The following RPRD2 variants were observed in gnomAD, a reference collection of about 807,000 sequenced individuals.
RPRD2 encodes regulation of nuclear pre-mRNA domain-containing protein 2.
In RPRD2, 12 loss-of-function variants were observed where a neutral mutation model predicts 104.4. The observed-to-expected ratio is 0.11, with a 90% CI of 0.07 to 0.19. RPRD2 has a LOEUF of 0.19. Ranked by LOEUF, RPRD2 falls within the 10% of genes least tolerant of loss-of-function variation. RPRD2 has a pLI of 1.00. For missense variants in RPRD2, 1,543 were observed against 1,790.1 expected (o/e 0.86, Z 2.49); for synonymous variants, 714 against 684.9 (o/e 1.04, Z -0.66).
intron 1 of RPRD2, among the ~76,000 whole-genome samples, chr1:150,412,807 ATT>A (rs1211667653): frequency 1.3e-5 from 2 of 152,158 alleles, no homozygotes; most frequent in South Asian, 4.1e-4. Flanking sequence ...ACGGGGATTG[ATT>A]TATGTCCCAT....
In RPRD2 at chr1:150,364,289, A is replaced by T. The variant is rs1553876689; in HGVS notation, c.-426A>T. Among the ~76,000 whole-genome samples, 1 of 152,164 alleles carries T rather than the reference A, an allele frequency of 6.6e-6. No homozygotes were observed. The highest frequency in any genetic ancestry group is 1.5e-5 in the Non-Finnish European group (1 of 68,030). On this transcript the variant is annotated 5_prime_UTR_variant, in exon 1 of 11. Transcript: ENST00000369068. ...AGTCGGGTAGTATTACATTTAAGAT[A>T]TTAACGCCCGACCTGGCTCACAGGA...
At chr1:150,430,353 C>A (rs999668694) in intron 2 of RPRD2, among the ~76,000 whole-genome samples, 15 of 152,084 alleles carry the variant, frequency 9.9e-5, no homozygotes, top group African/African-American at 3.6e-4. Context: ...CAGAATGCAA[C>A]AGGAGAAATA....
intron 2 of RPRD2, among the ~76,000 whole-genome samples, chr1:150,435,386 T>C (rs1553892897): frequency 1.3e-5 from 2 of 152,144 alleles, no homozygotes; most frequent in Non-Finnish European, 2.9e-5. Flanking sequence ...AGATTAAGCT[T>C]AGTGAGTAAG....
At chr1:150,440,689 GCTT>G (rs1666357750) in intron 2 of RPRD2, among the ~76,000 whole-genome samples, 1 of 152,092 alleles carries the variant, frequency 6.6e-6, no homozygotes, top group African/African-American at 2.4e-5. Context: ...GTCATCTGTA[GCTT>G]CATCTATGTC....
chr1:150,471,185 G>A lies in RPRD2; in HGVS notation c.2237G>A (p.Ser746Asn), dbSNP rs1475821117. 1.2e-6 allele frequency: 2 copies of A among 1,613,948 alleles called. No individual in the cohort carries two copies. Among genetic ancestry groups the A allele is most frequent in the Non-Finnish European group, 1.7e-6 (2 of 1,179,896 alleles). Reference protein sequence around the residue: ...DEMMDKPTSSSVDTMSLLSKI... With the variant: ...DEMMDKPTSSNVDTMSLLSKI... ...ATGATGGACAAGCCCACATCCAGCA[G>A]TGTAGATACTATGTCCCTGCTTTCT... The change falls in exon 11 of 11, where the codon AGT becomes AAT. Residue 746 changes from serine (S) to asparagine (N), a missense_variant. Transcript: ENST00000369068. This position sits in a 1 kb window ranked among gnomAD's most constrained non-coding sequence, Gnocchi z 5.3.
rs182900132 is a variant in RPRD2 at position 150,474,564 on chromosome 1, C to A, written c.*1230C>A. 6.6e-6 allele frequency: 1 copy of A among 152,290 alleles called. No individual in the cohort carries two copies. The highest frequency in any genetic ancestry group is 1.9e-4 in the East Asian group (1 of 5,188). The allele number at this position is 152,290 out of a possible 1,614,324, so 9.4% of individuals were successfully genotyped here. On this transcript the variant is annotated 3_prime_UTR_variant, in exon 11 of 11. Coordinates refer to ENST00000369068, the MANE Select transcript of RPRD2 (RefSeq NM_015203.5). ...GTTTTACATGCAAGATAAGTGCTTT[C>A]CTTCTCCCTGGACTGAAAGACTTGT...
Position 150,473,533 on chromosome 1 carries a change from T to A in RPRD2, c.*199T>A. On this transcript the variant is annotated 3_prime_UTR_variant, in exon 11 of 11. Coordinates refer to ENST00000369068, the MANE Select transcript of RPRD2 (RefSeq NM_015203.5). ...AATCCTCCCTCCCATTGCACTTATC[T>A]ACCTTCCCCAAGTTGTTTGTATTAA... 4.9e-6 allele frequency: 1 copy of A among 203,882 alleles called. No individual in the cohort carries two copies. Among genetic ancestry groups the A allele is most frequent in the Non-Finnish European group, 9.1e-6 (1 of 109,988 alleles). 12.6% of individuals were successfully genotyped at this position (203,882 alleles called of 1,614,324 possible). A position where few individuals can be genotyped will look rare whatever the true frequency, so the allele number is the denominator to read the frequency against.
At chr1:150,386,449 TTGGTGGTGC>T (rs1661577348) in intron 1 of RPRD2, among the ~76,000 whole-genome samples, 1 of 152,182 alleles carries the variant, frequency 6.6e-6, no homozygotes, top group Admixed American at 6.5e-5. Context: ...TTAGCTGGGC[TTGGTGGTGC>T]TGCATTTATC....
intron 2 of RPRD2, among the ~76,000 whole-genome samples, chr1:150,439,525 T>C (rs1666265927): frequency 6.6e-6 from 1 of 152,094 alleles, no homozygotes; most frequent in Non-Finnish European, 1.5e-5. Context: ...TCTCTGTTTC[T>C]TACATAAGCC....
chr1:150,444,223 A>G, intron 5 of RPRD2, 28 bp from the exon 6 acceptor site: 1 of 1,593,588 alleles, frequency 6.3e-7, no homozygotes, highest in Middle Eastern at 1.7e-4. Context: ...GATCTTGTAA[A>G]TGAAATATGA....
intron 1 of RPRD2, among the ~76,000 whole-genome samples, chr1:150,407,810 T>C (rs587749984): frequency 3.3e-5 from 5 of 152,346 alleles, no homozygotes; most frequent in African/African-American, 1.2e-4. Flanking sequence ...CCATTATTTG[T>C]ACTGAGTGTC....
chr1:150,432,629 AAAAAAAAAAAAGCC>A (rs1160681781), intron 2 of RPRD2, among the ~76,000 whole-genome samples: 1 of 50,424 alleles, frequency 2.0e-5, no homozygotes, highest in African/African-American at 5.2e-5. Flanking sequence ...AGAAAATGAT[AAAAAAAAAAAAGCC>A]AAAAAAAAAA....
chr1:150,423,869 T>C (rs1664932341), intron 2 of RPRD2, among the ~76,000 whole-genome samples: 1 of 151,856 alleles, frequency 6.6e-6, no homozygotes, highest in Admixed American at 6.6e-5. Context: ...CTCAGCTCAC[T>C]GCAACCTCCG....
intron 1 of RPRD2, among the ~76,000 whole-genome samples, chr1:150,395,384 T>TGTGTGTGG (rs1662429144): frequency 6.6e-6 from 1 of 152,094 alleles, no homozygotes; most frequent in Non-Finnish European, 1.5e-5. Context: ...TGTGTGTGTG[T>TGTGTGTGG]GTGTGTGTGT....
intron 10 of RPRD2, among the ~76,000 whole-genome samples, chr1:150,468,151 A>G (rs1024276481): frequency 6.6e-6 from 1 of 152,066 alleles, no homozygotes; most frequent in Non-Finnish European, 1.5e-5. Context: ...AAAAAAGAGA[A>G]ACTTCAGTGG....
At chr1:150,460,038 T>G in intron 8 of RPRD2, 22 bp from the exon 9 acceptor site, 1 of 1,610,594 alleles carries the variant, frequency 6.2e-7, no homozygotes, top group Non-Finnish European at 8.5e-7. Context: ...GGATGTAATA[T>G]CTCTTTTCTT....
intron 10 of RPRD2, among the ~76,000 whole-genome samples, chr1:150,464,977 T>C (rs1668172387): frequency 6.6e-6 from 1 of 152,072 alleles, no homozygotes; most frequent in Non-Finnish European, 1.5e-5. Context: ...CAAGTGATTC[T>C]TCTGCCTCAG....
At chr1:150,458,930 A>G (rs1553898223) in intron 8 of RPRD2, among the ~76,000 whole-genome samples, 1 of 152,160 alleles carries the variant, frequency 6.6e-6, no homozygotes, top group East Asian at 1.9e-4. Flanking sequence ...GGCTTGAGCC[A>G]CCATGCCCGG....
At chr1:150,468,248 G>C (rs1437496673) in intron 10 of RPRD2, among the ~76,000 whole-genome samples, 9 of 151,980 alleles carry the variant, frequency 5.9e-5, no homozygotes, top group African/African-American at 1.9e-4. Context: ...CTAACACTTT[G>C]GGAGGCCACG....
Sources: allele counts gnomAD v4.1 joint callset (sites outside exome capture counted in the v4.1 genomes callset), GRCh38; gene constraint gnomAD v4.1.1; non-coding constraint Gnocchi (gnomAD v3.1); transcripts MANE v1.5; gene names NCBI Gene and HGNC (gene_info 2026-07-23, HGNC 2026-07-21).